Variants in CSMD1 observed in about 807,000 individuals in gnomAD.
CSMD1 encodes CUB and sushi domain-containing protein 1.
A neutral mutation model predicts 417.5 loss-of-function variants in CSMD1; 213 were observed. That is an observed-to-expected ratio of 0.51 (90% CI 0.46 to 0.57). The LOEUF is 0.57. Among genes scored for constraint, CSMD1 ranks in the 20% least tolerant of loss-of-function variants. The probability of loss-of-function intolerance (pLI) is 0.00; values close to 1 mark genes in which losing one functional copy is unlikely to be tolerated. For missense variants in CSMD1, 6,923 were observed against 4,529.7 expected (o/e 1.53, Z -15.17); for synonymous variants, 2,862 against 1,736.8 (o/e 1.65, Z -16.11).
intron 3 of CSMD1, among the ~76,000 whole-genome samples, chr8:4,325,686 C>A (rs1013610936): frequency 5.3e-5 from 8 of 152,022 alleles, no homozygotes; most frequent in Admixed American, 6.6e-5. Context: ...GGCCAGAAAG[C>A]GAGATGCAGG....
intron 23 of CSMD1, among the ~76,000 whole-genome samples, chr8:3,311,503 G>C (rs978014060): frequency 9.5e-5 from 14 of 147,480 alleles, no homozygotes; most frequent in Non-Finnish European, 1.5e-5. Context: ...GCTTGCCTCG[G>C]TCTCCGAAAG....
At chr8:3,999,372 G>A (rs930357407) in intron 4 of CSMD1, among the ~76,000 whole-genome samples, 3 of 152,086 alleles carry the variant, frequency 2.0e-5, no homozygotes, top group East Asian at 1.9e-4. Flanking sequence ...AAATTATACC[G>A]AAGTGAGAGG....
intron 2 of CSMD1, among the ~76,000 whole-genome samples, chr8:4,470,121 C>T (rs1266398923): frequency 1.3e-5 from 2 of 152,036 alleles, no homozygotes; most frequent in Non-Finnish European, 2.9e-5. Context: ...CCGCCCGCCT[C>T]GGCCTCCCAA....
intron 3 of CSMD1, among the ~76,000 whole-genome samples, chr8:4,230,255 T>C (rs1262016536): frequency 6.6e-6 from 1 of 152,212 alleles, no homozygotes; most frequent in Non-Finnish European, 1.5e-5. Context: ...TAGATTTATA[T>C]CGTTGAGTAT....
chr8:4,925,215 G>GTTTTTTTTTTTTTTTT (rs10692207), intron 1 of CSMD1, among the ~76,000 whole-genome samples: 3 of 72,734 alleles, frequency 4.1e-5, no homozygotes, highest in African/African-American at 5.5e-5. Flanking sequence ...CAGTTTTATG[G>GTTTTTTTTTTTTTTTT]TTTTTTTTTT....
intron 7 of CSMD1, among the ~76,000 whole-genome samples, chr8:3,652,199 G>A (rs76776940): frequency 1.7e-4 from 25 of 144,158 alleles, no homozygotes; most frequent in South Asian, 4.5e-4. Context: ...CACCTTCAGC[G>A]GGCCTACCAC....
chr8:3,722,115 G>T (rs535129156), intron 6 of CSMD1, among the ~76,000 whole-genome samples: 77 of 152,240 alleles, frequency 5.1e-4, no homozygotes, highest in Non-Finnish European at 8.4e-4. Flanking sequence ...GGCCGAGGCA[G>T]GTGGATCACT....
chr8:4,409,168 A>T (rs1013752163), intron 3 of CSMD1, among the ~76,000 whole-genome samples: 1 of 152,220 alleles, frequency 6.6e-6, no homozygotes, highest in Non-Finnish European at 1.5e-5. Context: ...AATGACCTTC[A>T]AATGGGAGAT....
Position 3,877,363 on chromosome 8 carries a change from G to A in CSMD1, c.818+120540C>T, listed in dbSNP as rs552726372. On this transcript the variant is annotated intron_variant, in intron 5 of 69. Transcript: ENST00000635120. ...TGGGGGAGGCATGTGCTCTTCCATG[G>A]CTACCTGCCAGACATGGCTGCAGAC... Among the ~76,000 whole-genome samples, 64 of 152,290 alleles carry A rather than the reference G, an allele frequency of 4.2e-4. 1 individual carries two copies. The highest frequency in any genetic ancestry group is 1.5e-3 in the African/African-American group (63 of 41,554).
At chr8:4,629,498 G>T (rs1036644032) in intron 2 of CSMD1, among the ~76,000 whole-genome samples, 1 of 152,104 alleles carries the variant, frequency 6.6e-6, no homozygotes. Flanking sequence ...CTCTAGAAGT[G>T]CATCTTACAA....
intron 25 of CSMD1, among the ~76,000 whole-genome samples, chr8:3,303,615 A>G (rs1431118084): frequency 6.6e-6 from 1 of 152,232 alleles, no homozygotes. Context: ...AGACAATTAC[A>G]CTGGCAGAAA....
At chr8:4,627,587 G>T (rs1802193297) in intron 2 of CSMD1, among the ~76,000 whole-genome samples, 1 of 152,026 alleles carries the variant, frequency 6.6e-6, no homozygotes, top group African/African-American at 2.4e-5. Context: ...CATGAAATTT[G>T]ATTATGTCTA....
At chr8:4,719,650 T>G (rs2116902312) in intron 1 of CSMD1, among the ~76,000 whole-genome samples, 1 of 152,312 alleles carries the variant, frequency 6.6e-6, no homozygotes, top group East Asian at 1.9e-4. Context: ...GTTCAAAAGC[T>G]AAATTTCCAT....
intron 2 of CSMD1, among the ~76,000 whole-genome samples, chr8:4,594,195 C>CTTTT (rs771415822): frequency 5.2e-4 from 48 of 92,358 alleles, no homozygotes; most frequent in African/African-American, 8.6e-4. Context: ...CTAAAGTGAT[C>CTTTT]TTTTTTTTTT....
At chr8:3,230,933 G>T (rs1422005823) in intron 26 of CSMD1, among the ~76,000 whole-genome samples, 2 of 152,154 alleles carry the variant, frequency 1.3e-5, no homozygotes, top group African/African-American at 4.8e-5. Flanking sequence ...AAGCCGGCTG[G>T]TGCCTGTGCT....
At chr8:3,908,065 T>C (rs962672447) in intron 5 of CSMD1, among the ~76,000 whole-genome samples, 5 of 152,114 alleles carry the variant, frequency 3.3e-5, no homozygotes, top group African/African-American at 4.8e-5. Context: ...GACTCTCAAA[T>C]TGCAGTCACT....
intron 49 of CSMD1, among the ~76,000 whole-genome samples, chr8:3,075,343 G>GT (rs1222585099): frequency 6.7e-6 from 1 of 148,668 alleles, no homozygotes; most frequent in Non-Finnish European, 1.5e-5. Context: ...GTGCAACGGT[G>GT]TGATCTCGGC....
intron 3 of CSMD1, among the ~76,000 whole-genome samples, chr8:4,090,937 G>A (rs1272106852): frequency 7.1e-6 from 1 of 141,148 alleles, no homozygotes; most frequent in Non-Finnish European, 1.5e-5. Context: ...TTTCTTTTTT[G>A]AGATGGGGTC....
intron 3 of CSMD1, among the ~76,000 whole-genome samples, chr8:4,103,649 G>A (rs1002403454): frequency 6.6e-6 from 1 of 151,994 alleles, no homozygotes; most frequent in Admixed American, 6.6e-5. Context: ...AATCTCATTA[G>A]GTATCTGATA....
Sources: gnomAD v4.1 joint callset for allele counts (sites outside exome capture counted in the v4.1 genomes callset) on GRCh38, gnomAD v4.1.1 for gene constraint, MANE v1.5 for transcripts, NCBI Gene and HGNC (gene_info 2026-07-23, HGNC 2026-07-21) for gene names.